COTL1: variants seen among roughly 807,000 people sequenced by gnomAD.
COTL1 encodes coactosin-like protein.
Under a neutral mutation model 16.5 loss-of-function variants are expected in COTL1, and 15 were observed. The observed-to-expected ratio is 0.91, with a 90% CI of 0.61 to 1.40. The LOEUF (loss-of-function observed/expected upper bound fraction) is 1.40, where lower values mean the gene tolerates loss of function less well. COTL1 is among the 40% of genes most tolerant of loss of function. The pLI is 0.00. For missense variants in COTL1, 220 were observed against 201.5 expected (o/e 1.09, Z -0.56); for synonymous variants, 112 against 85.3 (o/e 1.31, Z -1.73).
chr16:84,572,526 T>A (rs796678263), intron 3 of COTL1, among the ~76,000 whole-genome samples: 8 of 152,242 alleles, frequency 5.3e-5, no homozygotes, highest in African/African-American at 1.9e-4. Context: ...AGTGGTGCGA[T>A]CTCGGCTCAC....
Position 84,590,857 on chromosome 16 carries a change from G to C in COTL1, c.161-595C>G, listed in dbSNP as rs1904844770. On this transcript the variant is annotated intron_variant, in intron 2 of 3. Coordinates refer to ENST00000262428, the MANE Select transcript of COTL1 (RefSeq NM_021149.5). The surrounding 1 kb of genome is among the most constrained non-coding windows in gnomAD (Gnocchi z 5.5). ...GACAGGAGGGGCAAGGGGGGTGCTG[G>C]GTATGAAGAGGAAACAAAGAAAATG... Among the ~76,000 whole-genome samples the C allele has an allele frequency of 6.6e-6, 1 of 152,188 alleles. No homozygotes were observed. The highest frequency in any genetic ancestry group is 1.9e-4 in the East Asian group (1 of 5,166).
intron 1 of COTL1, 50 bp downstream of exon 1, chr16:84,617,788 C>T: frequency 6.6e-7 from 1 of 1,525,452 alleles, no homozygotes; most frequent in Non-Finnish European, 8.9e-7. Context: ...TGCACGAGGC[C>T]CCGCGCGAGC....
At chr16:84,572,233 G>A (rs1198720902) in intron 3 of COTL1, among the ~76,000 whole-genome samples, 2 of 152,312 alleles carry the variant, frequency 1.3e-5, no homozygotes. Context: ...GGGAGCCTGC[G>A]TGGAGCAGCT....
chr16:84,615,853 T>TTGTGTGTGTGTGTGTGTGTGTGTGTG (rs112335989), intron 2 of COTL1, among the ~76,000 whole-genome samples: 6 of 149,702 alleles, frequency 4.0e-5, no homozygotes, highest in African/African-American at 1.5e-4. Flanking sequence ...AATTTTAGTT[T>TTGTGTGTGTGTGTGTGTGTGTGTGTG]TGTGTGTGTG....
chr16:84,579,879 G>A (rs995487993), intron 3 of COTL1, among the ~76,000 whole-genome samples: 30 of 152,202 alleles, frequency 2.0e-4, no homozygotes, highest in African/African-American at 6.0e-4. Context: ...GTGAGCCTTC[G>A]GCCTTTCATG....
chr16:84,614,737 G>A (rs1905427380), intron 2 of COTL1, among the ~76,000 whole-genome samples: 1 of 152,140 alleles, frequency 6.6e-6, no homozygotes, highest in South Asian at 2.1e-4. Flanking sequence ...TTCTTCTCAG[G>A]CCTGTCAGGA....
chr16:84,585,353 C>CAAAAAA (rs5818498), intron 3 of COTL1, among the ~76,000 whole-genome samples: 5 of 126,992 alleles, frequency 3.9e-5, no homozygotes, highest in African/African-American at 1.4e-4. Context: ...AGATTGTCTC[C>CAAAAAA]AAAAAAAAAA....
At chr16:84,613,512 G>T (rs773362109) in intron 2 of COTL1, among the ~76,000 whole-genome samples, 3 of 152,118 alleles carry the variant, frequency 2.0e-5, no homozygotes, top group Admixed American at 1.3e-4. Flanking sequence ...CTAGAGAGGA[G>T]ATATGGGTGG....
intron 2 of COTL1, among the ~76,000 whole-genome samples, chr16:84,615,544 C>A (rs567926799): frequency 2.0e-5 from 3 of 151,976 alleles, no homozygotes; most frequent in Admixed American, 1.3e-4. Context: ...GGGTGACCAG[C>A]GGGAGGAAAG....
At chr16:84,607,737 C>T (rs890250171) in intron 2 of COTL1, among the ~76,000 whole-genome samples, 1 of 152,060 alleles carries the variant, frequency 6.6e-6, no homozygotes, top group African/African-American at 2.4e-5. Flanking sequence ...GCAATCTGAC[C>T]TGAAGGTTAG....
chr16:84,597,711 C>T (rs1905034822), intron 2 of COTL1, among the ~76,000 whole-genome samples: 1 of 152,182 alleles, frequency 6.6e-6, no homozygotes, highest in African/African-American at 2.4e-5. Context: ...AGCTGAAGTG[C>T]TCAGAGTTCA....
At position 84,566,469 on chromosome 16, in the gene COTL1, T is replaced by A. The variant is rs943475735; in HGVS notation, c.*376A>T. 1.2e-5 allele frequency: 2 copies of A among 168,268 alleles called. No individual in the cohort carries two copies. Among genetic ancestry groups the A allele is most frequent in the Non-Finnish European group, 2.5e-5 (2 of 78,568 alleles). 10.4% of individuals were successfully genotyped at this position (168,268 alleles called of 1,614,324 possible). A position where few individuals can be genotyped will look rare whatever the true frequency, so the allele number is the denominator to read the frequency against. On this transcript the variant is annotated 3_prime_UTR_variant, in exon 4 of 4. Coordinates refer to ENST00000262428, the MANE Select transcript of COTL1 (RefSeq NM_021149.5). ...CCGGGCTCTGGAAAGCAACGTGAGG[T>A]CATGCAGATCTCACTAGGCAGACCT... is the stretch of plus-strand genomic sequence containing the variant.
At chr16:84,583,259 C>G (rs12325159) in intron 3 of COTL1, among the ~76,000 whole-genome samples, 33,988 of 152,116 alleles carry the variant, frequency 0.22, 4,024 homozygotes, top group Non-Finnish European at 0.28. Flanking sequence ...AGTGGCAGAC[C>G]TGGCCTCGTG....
At position 84,573,664 on chromosome 16, in the gene COTL1, G is replaced by A. The variant is rs150089660; in HGVS notation, c.319-6709C>T. ...GAGAGGCGGGAGAATCGCTTGAACC[G>A]GGGAGGCGGAAGTTGCAGTGAGCTT... On this transcript the variant is annotated intron_variant, in intron 3 of 3. Transcript: ENST00000262428. 8.4e-3 allele frequency among the ~76,000 whole-genome samples: 1,280 copies of A among 151,518 alleles called. 18 individuals are homozygous for A. The highest frequency in any genetic ancestry group is 0.029 in the African/African-American group (1,206 of 41,220).
chr16:84,616,605 G>C (rs1247634251), intron 2 of COTL1: 4 of 152,206 alleles, frequency 2.6e-5, no homozygotes, highest in Non-Finnish European at 5.9e-5. Flanking sequence ...CCGAAAGCTT[G>C]CTTCCAACTA....
chr16:84,596,429 A>T (rs1306108195), intron 2 of COTL1: 2 of 152,242 alleles, frequency 1.3e-5, no homozygotes, highest in African/African-American at 4.8e-5. Flanking sequence ...TGGGAGGATT[A>T]CATGAAAAAG....
intron 3 of COTL1, among the ~76,000 whole-genome samples, chr16:84,578,519 G>C (rs1904502254): frequency 6.6e-6 from 1 of 152,166 alleles, no homozygotes; most frequent in Admixed American, 6.5e-5. Context: ...AAGTGAAGTA[G>C]CCAGCAGATC....
At chr16:84,571,318 T>C (rs950752469) in intron 3 of COTL1, among the ~76,000 whole-genome samples, 1 of 152,034 alleles carries the variant, frequency 6.6e-6, no homozygotes, top group Non-Finnish European at 1.5e-5. Context: ...ACACTGGAGG[T>C]CCGGGCTCCC....
At position 84,609,586 on chromosome 16, in the gene COTL1, C is replaced by T. The variant is rs959158135; in HGVS notation, c.160+7915G>A. 2.0e-5 allele frequency among the ~76,000 whole-genome samples: 3 copies of T among 152,358 alleles called. No homozygotes were observed. In the East Asian group the frequency reaches 5.8e-4, roughly 29 times the overall value. ...CCCGTTCTACCTTAAGGGCCTCTTCCTCTCCAGGTCAACCCAAAATCTATC... is the reference window on the plus strand; with the variant it reads ...CCCGTTCTACCTTAAGGGCCTCTTCTTCTCCAGGTCAACCCAAAATCTATC... On this transcript the variant is annotated intron_variant, in intron 2 of 3. Transcript: ENST00000262428.
Sources: gnomAD v4.1 joint callset for allele counts (sites outside exome capture counted in the v4.1 genomes callset) on GRCh38, gnomAD v4.1.1 for gene constraint, Gnocchi (gnomAD v3.1) non-coding constraint, MANE v1.5 for transcripts, NCBI Gene and HGNC (gene_info 2026-07-23, HGNC 2026-07-21) for gene names.